Variants in NRAP observed in about 807,000 individuals in gnomAD.
NRAP encodes the protein nebulin-related-anchoring protein.
NRAP carries 189 observed loss-of-function variants against 225.9 expected under a neutral mutation model. That is an observed-to-expected ratio of 0.84 (90% CI 0.74 to 0.94). The LOEUF (loss-of-function observed/expected upper bound fraction) is 0.94. NRAP is among the 40% of genes least tolerant of loss of function. NRAP has a pLI of 0.00. For missense variants in NRAP, 2,176 were observed against 2,168.7 expected, an observed-to-expected ratio of 1.00 and a Z score of -0.07; for synonymous variants, 769 against 790.7, an observed-to-expected ratio of 0.97 and a Z score of 0.46.
At chr10:113,621,710 T>C (rs1847996534) in intron 24 of NRAP, among the ~76,000 whole-genome samples, 159 bp downstream of exon 24, 1 of 152,220 alleles carries the variant, frequency 6.6e-6, no homozygotes, top group Admixed American at 6.5e-5. Flanking sequence ...TGAATAAAAG[T>C]TAAACCACTA....
chr10:113,604,991 T>C (rs1846864253), intron 34 of NRAP, 71 bp from the exon 35 acceptor site: 1 of 1,519,738 alleles, frequency 6.6e-7, no homozygotes, highest in Non-Finnish European at 8.9e-7. Flanking sequence ...AAATCACTTG[T>C]TCTTACACTA....
At chr10:113,615,886 T>TCAGC in intron 26 of NRAP, 70 bp from the exon 27 acceptor site, 1 of 888,860 alleles carries the variant, frequency 1.1e-6, no homozygotes, top group South Asian at 1.4e-5. Flanking sequence ...AGGTTACGCT[T>TCAGC]CAAGAGTCCA....
intron 36 of NRAP, 77 bp from the exon 37 acceptor site, chr10:113,597,261 C>A: frequency 5.8e-6 from 5 of 869,252 alleles, no homozygotes; most frequent in Non-Finnish European, 9.9e-6. Flanking sequence ...TTCACTCCAC[C>A]TTCTCAGTAC....
chr10:113,630,794 T>G (rs1848534500), intron 18 of NRAP, among the ~76,000 whole-genome samples: 1 of 152,192 alleles, frequency 6.6e-6, no homozygotes, highest in South Asian at 2.1e-4. Context: ...ATTCAAGCTA[T>G]GGCTATTTAA....
At chr10:113,606,142 G>T in intron 33 of NRAP, 36 bp downstream of exon 33, 1 of 1,447,544 alleles carries the variant, frequency 6.9e-7, no homozygotes, top group Non-Finnish European at 9.7e-7. Context: ...ACATGGCTTT[G>T]GAGCATGCTT....
At chr10:113,613,210 A>G (rs916408408) in intron 29 of NRAP, among the ~76,000 whole-genome samples, 3 of 152,100 alleles carry the variant, frequency 2.0e-5, no homozygotes, top group African/African-American at 7.2e-5. Flanking sequence ...AGGACAGTTC[A>G]TATCCAACCT....
At chr10:113,607,466 A>C (rs1847065825) in intron 32 of NRAP, among the ~76,000 whole-genome samples, 1 of 150,704 alleles carries the variant, frequency 6.6e-6, no homozygotes, top group South Asian at 2.1e-4. Context: ...AAAAAGAAAA[A>C]AAGAAATGGG....
chr10:113,603,099 G>T (rs564982372), intron 35 of NRAP, among the ~76,000 whole-genome samples: 46 of 152,314 alleles, frequency 3.0e-4, no homozygotes, highest in South Asian at 6.2e-4. Context: ...TTCTTCCTAG[G>T]GATGCTGTGG....
intron 4 of NRAP, 148 bp from the exon 5 acceptor site, chr10:113,654,273 T>C (rs1001909714): frequency 4.4e-5 from 25 of 574,214 alleles, no homozygotes; most frequent in African/African-American, 3.9e-4. Flanking sequence ...TTCATTTATT[T>C]CAGGCTAGAA....
At chr10:113,596,035 G>A (rs1846272416) in intron 37 of NRAP, among the ~76,000 whole-genome samples, 1 of 152,230 alleles carries the variant, frequency 6.6e-6, no homozygotes. Context: ...AGTAGAAGAT[G>A]TGTAGATATT....
intron 35 of NRAP, 63 bp downstream of exon 35, chr10:113,604,546 A>C: frequency 3.9e-4 from 493 of 1,274,274 alleles, no homozygotes; most frequent in Middle Eastern, 7.5e-4. Context: ...AGAGATTGAC[A>C]CCCGGGTTTG....
In NRAP at chr10:113,617,189, C is replaced by T. The variant is rs186404091; in HGVS notation, c.2973+266G>A. On this transcript the variant is annotated intron_variant, in intron 26 of 41. Coordinates refer to ENST00000359988, the MANE Select transcript of NRAP (RefSeq NM_198060.4). ...GAAAACAGCCTCACCACGAATGAAT[C>T]GGTGAGACATGCAAATGGGAAGGAG... Among the ~76,000 whole-genome samples, 28 of 152,242 alleles carry T rather than the reference C, an allele frequency of 1.8e-4. No homozygotes were observed. The East Asian group carries it at 4.1e-3, about 22-fold the overall frequency.
In NRAP at chr10:113,660,666, T is replaced by C. The variant is rs35418005; in HGVS notation, c.255+2013A>G. On this transcript the variant is annotated intron_variant, in intron 3 of 41. Transcript: ENST00000359988. ...AATACAGACATTATGGATCTTTCTG[T>C]AGACACTGTAATAAATGCAAACAGC... Among the ~76,000 whole-genome samples, 422 of 152,324 alleles carry C rather than the reference T, an allele frequency of 2.8e-3. 1 individual carries two copies. The highest frequency in any genetic ancestry group is 2.7e-3 in the Non-Finnish European group (181 of 68,026).
intron 12 of NRAP, among the ~76,000 whole-genome samples, chr10:113,642,421 C>A (rs1158144835): frequency 1.3e-4 from 20 of 152,122 alleles, no homozygotes; most frequent in Non-Finnish European, 1.5e-4. Context: ...AGCATACTAT[C>A]TAGTATAGGT....
chr10:113,650,789 G>A (rs1849913706), intron 7 of NRAP, among the ~76,000 whole-genome samples: 1 of 152,224 alleles, frequency 6.6e-6, no homozygotes, highest in Admixed American at 6.5e-5. Context: ...TAAGCACCTG[G>A]TGTGGGCCAG....
chr10:113,619,568 C>T (rs1847870870), intron 25 of NRAP, among the ~76,000 whole-genome samples: 1 of 150,250 alleles, frequency 6.7e-6, no homozygotes, highest in Admixed American at 6.6e-5. Flanking sequence ...TTTGAAAAAC[C>T]AACAAGGGTG....
In NRAP at chr10:113,631,897, G is replaced by A; in HGVS notation, c.1700C>T (p.Ser567Phe). 1 of 1,613,580 alleles carries A rather than the reference G, an allele frequency of 6.2e-7. No individual in the cohort carries two copies. Among genetic ancestry groups the A allele is most frequent in the Non-Finnish European group, 8.5e-7 (1 of 1,179,498 alleles). ...CCCAGAGGCTTTGGCGGCCAGCAGA[G>A]ACATGGCATCCAGCTTCATCTCAAA... ...KGFEMKLDAM[S>F]LLAAKASGEL... Residue 567 changes from serine (S) to phenylalanine (F), a missense_variant, in exon 17 of 42, where the codon TCT becomes TTT. By Grantham distance (155) the Ser-to-Phe change is radical. Around this residue, in one of 3 missense-constraint regions of NRAP, gnomAD observed 1,708 missense variants for 1,695.5 expected, o/e 1.01. Coordinates refer to ENST00000359988, the MANE Select transcript of NRAP (RefSeq NM_198060.4).
At chr10:113,651,078 A>G (rs185742596) in intron 7 of NRAP, among the ~76,000 whole-genome samples, 32 of 152,348 alleles carry the variant, frequency 2.1e-4, no homozygotes, top group African/African-American at 7.2e-4. Context: ...GATTTCTCTC[A>G]GATAACTGAG....
intron 28 of NRAP, among the ~76,000 whole-genome samples, chr10:113,614,538 G>A (rs1847529668): frequency 6.6e-6 from 1 of 152,214 alleles, no homozygotes; most frequent in African/African-American, 2.4e-5. Flanking sequence ...GGAGGAAGGT[G>A]GGTGCATTGT....
Sources: allele counts gnomAD v4.1 joint callset (sites outside exome capture counted in the v4.1 genomes callset), GRCh38; gene constraint gnomAD v4.1.1; regional missense constraint gnomAD v4.1.1; transcripts MANE v1.5; gene names NCBI Gene and HGNC (gene_info 2026-07-23, HGNC 2026-07-21).